The following WFDC9 variants were observed in gnomAD, a reference collection of about 807,000 sequenced individuals.
The protein encoded by WFDC9 is WAP four-disulfide core domain 9.
WFDC9 carries 9 observed loss-of-function variants against 9.5 expected under a neutral mutation model. That is an observed-to-expected ratio of 0.95 (90% CI 0.57 to 1.65). WFDC9 has a LOEUF of 1.65. WFDC9 is among the 40% of genes most tolerant of loss of function. WFDC9 has a pLI of 0.00. For synonymous variants in WFDC9, 33 were observed against 32.3 expected, an observed-to-expected ratio of 1.02 and a Z score of -0.07; for missense variants, 87 against 106.7, an observed-to-expected ratio of 0.82 and a Z score of 0.81.
chr20:45,629,988 A>T (rs1199992264), intron 1 of WFDC9: 11 of 1,540,528 alleles, frequency 7.1e-6, no homozygotes, highest in Non-Finnish European at 7.0e-6. Flanking sequence ...AGGACCTAGG[A>T]GTTGGAAACT....
chr20:45,619,631 T>C (rs1330453557), intron 1 of WFDC9, among the ~76,000 whole-genome samples: 1 of 152,212 alleles, frequency 6.6e-6, no homozygotes, highest in Non-Finnish European at 1.5e-5. Context: ...AAATCTGATA[T>C]TAATAATTTT....
intron 3 of WFDC9, 69 bp from the exon 4 acceptor site, chr20:45,608,879 C>A: frequency 6.7e-7 from 1 of 1,484,496 alleles, no homozygotes; most frequent in Non-Finnish European, 9.0e-7. Context: ...CTAAGCTTAA[C>A]AATCCCTTCT....
intron 1 of WFDC9, among the ~76,000 whole-genome samples, chr20:45,623,931 G>A (rs576575363): frequency 6.6e-5 from 10 of 152,222 alleles, no homozygotes; most frequent in African/African-American, 2.2e-4. Context: ...AGTGGCTCAC[G>A]CCTGTTATCC....
chr20:45,609,943 T>C lies in WFDC9; in HGVS notation c.91+148A>G, dbSNP rs143397983. On this transcript the variant is annotated intron_variant, in intron 3 of 4. Transcript: ENST00000326000. ...AGCTGAAAGAGAAAACTTAAAGGAATTGGGAATATCTAACCTAATCTTGCT... is the reference window on the plus strand; with the variant it reads ...AGCTGAAAGAGAAAACTTAAAGGAACTGGGAATATCTAACCTAATCTTGCT... 157 of 594,758 alleles carry C rather than the reference T, an allele frequency of 2.6e-4. 2 individuals are homozygous for C. In the African/African-American group the frequency reaches 2.8e-3, roughly 11 times the overall value. The allele number at this position is 594,758 out of a possible 1,614,324, so 36.8% of individuals were successfully genotyped here.
chr20:45,608,950 A>C, intron 3 of WFDC9, 140 bp from the exon 4 acceptor site: 2 of 936,894 alleles, frequency 2.1e-6, no homozygotes, highest in Non-Finnish European at 1.5e-6. Context: ...CCTTCCTCAA[A>C]TTATAACCAG....
intron 1 of WFDC9, among the ~76,000 whole-genome samples, chr20:45,617,691 G>A (rs1414507967): frequency 1.3e-5 from 2 of 152,070 alleles, no homozygotes; most frequent in African/African-American, 4.8e-5. Context: ...GTCTCACTAT[G>A]TTCCCCAGGC....
intron 1 of WFDC9, among the ~76,000 whole-genome samples, chr20:45,626,978 TGG>T (rs1982232478): frequency 6.6e-6 from 1 of 152,226 alleles, no homozygotes; most frequent in African/African-American, 2.4e-5. Flanking sequence ...CTTTATTATG[TGG>T]AGGTGCTTTC....
chr20:45,608,757 A>G lies in WFDC9; in HGVS notation c.145T>C (p.Tyr49His), dbSNP rs1454649704. The G allele has an allele frequency of 1.2e-6, 2 of 1,613,958 alleles. No homozygotes were observed. Among genetic ancestry groups the G allele is most frequent in the Non-Finnish European group, 1.7e-6 (2 of 1,179,984 alleles). The change falls in exon 4 of 5, where the codon TAC becomes CAC. Residue 49 changes from tyrosine to histidine, a missense_variant. Transcript: ENST00000326000. Reference sequence around the variant, plus strand: ...ATTTTAGTACACCTTTTCTCACAGTACTTATATGGAGGCTGTACCCAGCAC... The same window carrying G: ...ATTTTAGTACACCTTTTCTCACAGTGCTTATATGGAGGCTGTACCCAGCAC... ...EQCWVQPPYK[Y>H]CEKRCTKIMT...
At chr20:45,630,822 T>C in intron 1 of WFDC9, 5 of 1,508,998 alleles carry the variant, frequency 3.3e-6, no homozygotes, top group Non-Finnish European at 4.4e-6. Flanking sequence ...TTGAGAAAAA[T>C]GTTCTCTAGG....
chr20:45,620,658 T>TTG (rs1372591620), intron 1 of WFDC9, among the ~76,000 whole-genome samples: 2 of 152,242 alleles, frequency 1.3e-5, no homozygotes, highest in African/African-American at 4.8e-5. Flanking sequence ...TGAGGCCATT[T>TTG]TGTGTGTATG....
Position 45,625,807 on chromosome 20 carries a change from C to CTTTTTTTTTTTTTTTTTTTTTTTTTTT in WFDC9, c.-153+5395_-153+5396insAAAAAAAAAAAAAAAAAAAAAAAAAAA, listed in dbSNP as rs76758338. Among the ~76,000 whole-genome samples the CTTTTTTTTTTTTTTTTTTTTTTTTTTT allele has an allele frequency of 3.0e-4, 14 of 46,410 alleles. 4 individuals are homozygous for CTTTTTTTTTTTTTTTTTTTTTTTTTTT. The highest frequency in any genetic ancestry group is 4.8e-4 in the African/African-American group (5 of 10,326). 30.4% of individuals were successfully genotyped at this position (46,410 alleles called of 152,430 possible). On this transcript the variant is annotated intron_variant, in intron 1 of 4. Coordinates refer to ENST00000326000, the MANE Select transcript of WFDC9 (RefSeq NM_147198.4). ...TGGATTTATTTCTAGGTTCTCTATT[C>CTTTTTTTTTTTTTTTTTTTTTTTTTTT]TTTTTTTTTTTTTTTTTTTTTTTTT...
In WFDC9 at chr20:45,630,983, A is replaced by G. The variant is rs142019313; in HGVS notation, c.-153+220T>C. The G allele has an allele frequency of 1.3e-4, 210 of 1,608,412 alleles. 3 individuals are homozygous for G. In the East Asian group the frequency reaches 3.9e-3, roughly 30 times the overall value. ...TCAAGCAAATAACATATGCTGTTCT[A>G]CCTACTGTGGGAATGTTTGCATGAG... is the stretch of plus-strand genomic sequence containing the variant. On this transcript the variant is annotated intron_variant, in intron 1 of 4. Coordinates refer to ENST00000326000, the MANE Select transcript of WFDC9 (RefSeq NM_147198.4).
At position 45,614,696 on chromosome 20, in the gene WFDC9, T is replaced by C. The variant is rs1173182595; in HGVS notation, c.-127A>G. 1 of 152,180 alleles carries C rather than the reference T, an allele frequency of 6.6e-6. No individual in the cohort carries two copies. The highest frequency in any genetic ancestry group is 1.5e-5 in the Non-Finnish European group (1 of 68,034). 9.4% of individuals were successfully genotyped at this position (152,180 alleles called of 1,614,324 possible). ...AGCTCTTTTGTCTGGCCTTTTATTA[T>C]GAAGTTGTTTGAAGTGGGGCTCGAA... On this transcript the variant is annotated 5_prime_UTR_variant, in exon 2 of 5. Coordinates refer to ENST00000326000, the MANE Select transcript of WFDC9 (RefSeq NM_147198.4).
chr20:45,612,548 G>A (rs746971275), intron 2 of WFDC9, among the ~76,000 whole-genome samples: 21 of 152,124 alleles, frequency 1.4e-4, no homozygotes, highest in Admixed American at 1.3e-3. Context: ...CAGCTGAGGG[G>A]TAAGGGAAAC....
intron 1 of WFDC9, among the ~76,000 whole-genome samples, chr20:45,618,009 A>G (rs1982010292): frequency 6.6e-6 from 1 of 152,248 alleles, no homozygotes. Flanking sequence ...ATGAACCCGC[A>G]CAGTTCAAAT....
At chr20:45,629,694 T>G (rs1982307700) in intron 1 of WFDC9, 7 of 1,299,354 alleles carry the variant, frequency 5.4e-6, no homozygotes, top group East Asian at 2.5e-5. Context: ...ACTTGGCCAG[T>G]AGAGGCAGTG....
intron 1 of WFDC9, among the ~76,000 whole-genome samples, chr20:45,621,305 T>C (rs1982093916): frequency 6.6e-6 from 1 of 152,254 alleles, no homozygotes; most frequent in Non-Finnish European, 1.5e-5. Flanking sequence ...TAGTTCATGA[T>C]TATAATAGAT....
At chr20:45,611,326 C>G (rs1981855765) in intron 2 of WFDC9, among the ~76,000 whole-genome samples, 1 of 152,058 alleles carries the variant, frequency 6.6e-6, no homozygotes, top group Admixed American at 6.6e-5. Context: ...ACATCCTGTT[C>G]CATAACTGGA....
intron 1 of WFDC9, chr20:45,629,660 G>A: frequency 1.1e-6 from 1 of 924,966 alleles, no homozygotes. Flanking sequence ...GCAAAAAGAG[G>A]AAGGACTCTC....
Sources: allele counts gnomAD v4.1 joint callset (sites outside exome capture counted in the v4.1 genomes callset), GRCh38; gene constraint gnomAD v4.1.1; transcripts MANE v1.5; gene names NCBI Gene and HGNC (gene_info 2026-07-23, HGNC 2026-07-21).